RBFOX1: variants seen among roughly 807,000 people sequenced by gnomAD.
RBFOX1 encodes the protein RNA binding protein fox-1 homolog 1.
A neutral mutation model predicts 57.7 loss-of-function variants in RBFOX1; 8 were observed. That is an observed-to-expected ratio of 0.14 (90% CI 0.08 to 0.25). The LOEUF (loss-of-function observed/expected upper bound fraction) is 0.25. Ranked by LOEUF, RBFOX1 falls within the 10% of genes least tolerant of loss-of-function variation. The pLI, the probability that RBFOX1 is intolerant of heterozygous loss-of-function variation, is 1.00. For synonymous variants in RBFOX1, 326 were observed against 222.4 expected (o/e 1.47, Z -4.15); for missense variants, 611 against 548.5 (o/e 1.11, Z -1.14).
At chr16:7,001,398 T>TGTATTTGTATA (rs2092782327) in intron 3 of RBFOX1, among the ~76,000 whole-genome samples, 143 of 100,874 alleles carry the variant, frequency 1.4e-3, no homozygotes, top group Middle Eastern at 4.9e-3. Flanking sequence ...GTATGTGTAT[T>TGTATTTGTATA]TGTATATGTA....
chr16:6,127,276 TC>T (rs1428325436), intron 1 of RBFOX1, among the ~76,000 whole-genome samples: 44 of 138,706 alleles, frequency 3.2e-4, no homozygotes, highest in African/African-American at 1.3e-3. Flanking sequence ...TTTGTCTCTC[TC>T]TTTTTTTAAA....
At chr16:6,553,655 G>A (rs1435767564) in intron 2 of RBFOX1, among the ~76,000 whole-genome samples, 1 of 152,186 alleles carries the variant, frequency 6.6e-6, no homozygotes, top group Non-Finnish European at 1.5e-5. Flanking sequence ...AGGACAGGAT[G>A]ATAGAAAAGG....
Position 7,705,410 on chromosome 16 carries a change from C to A in RBFOX1, c.996-3646C>A, listed in dbSNP as rs772877037. ...GTCCCAGCTATTCGGGAGGCTGAGG[C>A]AGGAGAATGGCATGAACTTGAGGGA... On this transcript the variant is annotated intron_variant, in intron 14 of 15. Transcript: ENST00000550418. Among the ~76,000 whole-genome samples, 168 of 152,024 alleles carry A rather than the reference C, an allele frequency of 1.1e-3. 1 individual carries two copies. The highest frequency in any genetic ancestry group is 2.0e-3 in the Non-Finnish European group (138 of 67,974).
At chr16:7,029,394 A>C (rs2042215223) in intron 3 of RBFOX1, among the ~76,000 whole-genome samples, 1 of 151,286 alleles carries the variant, frequency 6.6e-6, no homozygotes, top group African/African-American at 2.4e-5. Flanking sequence ...ACACAGAAGA[A>C]ACATGAGTCT....
chr16:7,553,118 T>C (rs559521596), intron 5 of RBFOX1, among the ~76,000 whole-genome samples: 1 of 152,110 alleles, frequency 6.6e-6, no homozygotes, highest in Non-Finnish European at 1.5e-5. Flanking sequence ...TTTTAAAAAA[T>C]TTTCCAGTTT....
At chr16:6,029,333 G>T (rs1331729750) in intron 1 of RBFOX1, among the ~76,000 whole-genome samples, 1 of 152,186 alleles carries the variant, frequency 6.6e-6, no homozygotes, top group Non-Finnish European at 1.5e-5. Context: ...CTACTGAATT[G>T]TGCTTCGCTG....
chr16:5,726,371 G>GA (rs2052152562), intron 3 of RBFOX1, among the ~76,000 whole-genome samples: 1 of 152,086 alleles, frequency 6.6e-6, no homozygotes, highest in Admixed American at 6.5e-5. Context: ...AAATACTGCT[G>GA]AATGGCCCGC....
chr16:6,760,461 G>GA, intron 3 of RBFOX1, among the ~76,000 whole-genome samples: 1 of 152,248 alleles, frequency 6.6e-6, no homozygotes, highest in East Asian at 1.9e-4. Context: ...GTATTATTAA[G>GA]AAAAAATAAG....
intron 1 of RBFOX1, among the ~76,000 whole-genome samples, chr16:5,250,927 A>C (rs557303789): frequency 5.3e-5 from 8 of 152,230 alleles, no homozygotes; most frequent in African/African-American, 1.9e-4. Flanking sequence ...TCTGTGCTCA[A>C]TTTGCATCCT....
intron 4 of RBFOX1, among the ~76,000 whole-genome samples, chr16:5,918,111 T>A (rs534695271): frequency 1.3e-5 from 2 of 152,246 alleles, no homozygotes; most frequent in South Asian, 2.1e-4. Context: ...ACTGCAGTTT[T>A]ACGTTTATTT....
chr16:6,890,699 C>T (rs1232718821), intron 3 of RBFOX1, among the ~76,000 whole-genome samples: 6 of 152,116 alleles, frequency 3.9e-5, no homozygotes, highest in East Asian at 3.9e-4. Flanking sequence ...CTGGGATTTC[C>T]GTATGAATAG....
intron 5 of RBFOX1, among the ~76,000 whole-genome samples, chr16:7,563,879 G>C (rs1432137029): frequency 6.6e-6 from 1 of 152,124 alleles, no homozygotes; most frequent in Non-Finnish European, 1.5e-5. Flanking sequence ...CTGATAAGCA[G>C]ACACCAACCT....
chr16:6,359,282 C>T (rs544047965), intron 2 of RBFOX1, among the ~76,000 whole-genome samples: 13 of 152,070 alleles, frequency 8.5e-5, no homozygotes, highest in East Asian at 5.8e-4. Flanking sequence ...TTAGTAGAGA[C>T]GGGGTTTCAC....
chr16:7,051,450 C>T (rs187553103), intron 3 of RBFOX1, among the ~76,000 whole-genome samples: 15 of 152,144 alleles, frequency 9.9e-5, no homozygotes, highest in African/African-American at 3.4e-4. Flanking sequence ...TTGCTAATAC[C>T]CACTTTCCTA....
intron 4 of RBFOX1, among the ~76,000 whole-genome samples, chr16:7,179,170 G>A (rs1046911659): frequency 6.6e-6 from 1 of 151,816 alleles, no homozygotes; most frequent in African/African-American, 2.4e-5. Flanking sequence ...GGGGGTAGGA[G>A]GTTGGGATAA....
At chr16:7,556,653 G>C (rs924114602) in intron 5 of RBFOX1, among the ~76,000 whole-genome samples, 1 of 152,078 alleles carries the variant, frequency 6.6e-6, no homozygotes, top group Non-Finnish European at 1.5e-5. Context: ...TCAGTTCTAA[G>C]ACCTTAGTTC....
chr16:5,839,848 C>G (rs1355526558), intron 3 of RBFOX1, among the ~76,000 whole-genome samples: 1 of 152,158 alleles, frequency 6.6e-6, no homozygotes, highest in Non-Finnish European at 1.5e-5. Flanking sequence ...GATGCCCTCA[C>G]CAGTAGTCAT....
chr16:7,151,058 C>G lies in RBFOX1; in HGVS notation c.27+98960C>G, dbSNP rs564181895. 9.9e-5 allele frequency among the ~76,000 whole-genome samples: 15 copies of G among 152,278 alleles called. No homozygotes were observed. In the South Asian group the frequency reaches 3.1e-3, roughly 32 times the overall value. ...TTGTGGTAGCACAGAAGTTCTCTCCCTCAAATGACAGAGGCTGTTAAGTGT... is the reference window on the plus strand; with the variant it reads ...TTGTGGTAGCACAGAAGTTCTCTCCGTCAAATGACAGAGGCTGTTAAGTGT... On this transcript the variant is annotated intron_variant, in intron 4 of 15. Coordinates refer to ENST00000550418, the MANE Select transcript of RBFOX1 (RefSeq NM_018723.4).
At chr16:6,729,472 A>T (rs1223493452) in intron 3 of RBFOX1, among the ~76,000 whole-genome samples, 1 of 152,146 alleles carries the variant, frequency 6.6e-6, no homozygotes, top group Non-Finnish European at 1.5e-5. Context: ...GAGCCTTCCC[A>T]GCAATCCATT....
Sources: allele counts gnomAD v4.1 joint callset (sites outside exome capture counted in the v4.1 genomes callset), GRCh38; gene constraint gnomAD v4.1.1; transcripts MANE v1.5; gene names NCBI Gene and HGNC (gene_info 2026-07-23, HGNC 2026-07-21).